The following SHISA6 variants were observed in gnomAD, a reference collection of about 807,000 sequenced individuals.
SHISA6 encodes protein shisa-6.
A neutral mutation model predicts 47.9 loss-of-function variants in SHISA6; 22 were observed. The ratio of observed to expected loss-of-function variants is 0.46; its 90% CI spans 0.33 to 0.66. The LOEUF (loss-of-function observed/expected upper bound fraction) is 0.66. Among genes scored for constraint, SHISA6 ranks in the 30% least tolerant of loss-of-function variants. The pLI is 0.02. For synonymous variants in SHISA6, 388 were observed against 337.8 expected (o/e 1.15, Z -1.63); for missense variants, 680 against 764.6 (o/e 0.89, Z 1.30).
At chr17:11,413,533 C>T (rs931787339) in intron 3 of SHISA6, among the ~76,000 whole-genome samples, 2 of 152,186 alleles carry the variant, frequency 1.3e-5, no homozygotes, top group African/African-American at 2.4e-5. Flanking sequence ...ATGCAACGAC[C>T]ACCATCTACC....
chr17:11,467,555 C>T (rs1007644646), intron 3 of SHISA6, among the ~76,000 whole-genome samples: 2 of 152,198 alleles, frequency 1.3e-5, no homozygotes, highest in African/African-American at 4.8e-5. Context: ...CCATCTCCCT[C>T]ATTGTGATAT....
At chr17:11,411,024 A>G (rs1914099404) in intron 3 of SHISA6, among the ~76,000 whole-genome samples, 1 of 152,096 alleles carries the variant, frequency 6.6e-6, no homozygotes, top group Admixed American at 6.5e-5. Flanking sequence ...GCTGGAGTGC[A>G]GTGGCGCGAT....
rs192161809 is a variant in SHISA6, at chr17:11,424,962, G to A, written c.895+45453G>A. ...GCAGAGCTTGCAGTCAGCAGAGATC[G>A]CGCCACTGCACTCCAGCCTGAGCGA... On this transcript the variant is annotated intron_variant, in intron 3 of 5. Coordinates refer to ENST00000441885, the MANE Select transcript of SHISA6 (RefSeq NM_207386.4). 4.7e-3 allele frequency among the ~76,000 whole-genome samples: 662 copies of A among 140,370 alleles called. 3 individuals carry two copies. Among genetic ancestry groups the A allele is most frequent in the Non-Finnish European group, 6.5e-3 (433 of 66,460 alleles). The allele number at this position is 140,370 out of a possible 152,430, so 92.1% of individuals were successfully genotyped here.
chr17:11,291,245 G>A (rs989017300), intron 2 of SHISA6, among the ~76,000 whole-genome samples: 3 of 151,500 alleles, frequency 2.0e-5, no homozygotes, highest in Non-Finnish European at 4.4e-5. Flanking sequence ...TAGAGGATGC[G>A]ATCATAAGTT....
At chr17:11,525,911 A>G in intron 3 of SHISA6, among the ~76,000 whole-genome samples, 1 of 152,002 alleles carries the variant, frequency 6.6e-6, no homozygotes, top group East Asian at 1.9e-4. Flanking sequence ...TGGGAGGCCA[A>G]GGTGAGAGGA....
intron 2 of SHISA6, among the ~76,000 whole-genome samples, chr17:11,276,416 T>C (rs1159252921): frequency 6.6e-6 from 1 of 152,172 alleles, no homozygotes. Context: ...AAAGACTTTC[T>C]TCAGGGTTTA....
At chr17:11,495,730 G>T (rs1282110148) in intron 3 of SHISA6, among the ~76,000 whole-genome samples, 1 of 152,282 alleles carries the variant, frequency 6.6e-6, no homozygotes, top group African/African-American at 2.4e-5. Flanking sequence ...ATCCCTCTGA[G>T]AACTAAGTGG....
At chr17:11,454,230 T>C (rs1178278222) in intron 3 of SHISA6, among the ~76,000 whole-genome samples, 2 of 152,160 alleles carry the variant, frequency 1.3e-5, no homozygotes, top group African/African-American at 4.8e-5. Flanking sequence ...CTCCAAACTA[T>C]AGCTTCCAAT....
At chr17:11,322,894 G>A (rs971372693) in intron 2 of SHISA6, among the ~76,000 whole-genome samples, 1 of 152,190 alleles carries the variant, frequency 6.6e-6, no homozygotes, top group Non-Finnish European at 1.5e-5. Context: ...GTGCTTAGTT[G>A]AGGAGAAAAT....
chr17:11,515,314 AAGGAAGG>A (rs2071575596), intron 3 of SHISA6, among the ~76,000 whole-genome samples: 1 of 12,130 alleles, frequency 8.2e-5, no homozygotes, highest in East Asian at 5.0e-3. Flanking sequence ...AAGAAAGAAA[AAGGAAGG>A]AAGGAAGGAA....
intron 2 of SHISA6, among the ~76,000 whole-genome samples, chr17:11,274,111 C>A (rs1039361813): frequency 1.3e-5 from 2 of 152,286 alleles, no homozygotes; most frequent in Admixed American, 1.3e-4. Context: ...AGGGCTTCGT[C>A]CTGCCTGGTG....
At chr17:11,555,673 G>A in intron 4 of SHISA6, 67 bp from the exon 5 acceptor site, 1 of 1,447,786 alleles carries the variant, frequency 6.9e-7, no homozygotes, top group Non-Finnish European at 9.1e-7. Context: ...TCAGGGGTGA[G>A]GCAGAAAGCA....
At chr17:11,466,364 T>C (rs1370174726) in intron 3 of SHISA6, among the ~76,000 whole-genome samples, 3 of 152,142 alleles carry the variant, frequency 2.0e-5, no homozygotes, top group East Asian at 3.9e-4. Flanking sequence ...CAGGATGCGA[T>C]AGCTTGAGGA....
chr17:11,362,054 T>C (rs1012520206), intron 2 of SHISA6, among the ~76,000 whole-genome samples: 5 of 152,166 alleles, frequency 3.3e-5, no homozygotes, highest in African/African-American at 9.7e-5. Flanking sequence ...TTTTGACATA[T>C]TATTCTTTTC....
At chr17:11,485,439 T>A (rs1916323322) in intron 3 of SHISA6, among the ~76,000 whole-genome samples, 1 of 152,170 alleles carries the variant, frequency 6.6e-6, no homozygotes, top group South Asian at 2.1e-4. Context: ...AGGTGATTAG[T>A]GGGCAATGCT....
intron 2 of SHISA6, among the ~76,000 whole-genome samples, chr17:11,330,829 G>A (rs1053676229): frequency 1.1e-4 from 16 of 152,170 alleles, no homozygotes; most frequent in African/African-American, 3.9e-4. Context: ...CTTTGGTCTG[G>A]TATCAAGGAC....
At chr17:11,296,075 G>C (rs762659934) in intron 2 of SHISA6, among the ~76,000 whole-genome samples, 1 of 151,884 alleles carries the variant, frequency 6.6e-6, no homozygotes, top group Non-Finnish European at 1.5e-5. Context: ...ACTGTCAGAA[G>C]ACCAGTGTGA....
chr17:11,430,577 G>A (rs1389972172), intron 3 of SHISA6, among the ~76,000 whole-genome samples: 3 of 152,136 alleles, frequency 2.0e-5, no homozygotes, highest in Admixed American at 6.6e-5. Context: ...CACTGAAGAC[G>A]AAGGAGAAGG....
chr17:11,486,225 G>C (rs1294015240), intron 3 of SHISA6, among the ~76,000 whole-genome samples: 2 of 152,184 alleles, frequency 1.3e-5, no homozygotes, highest in Admixed American at 6.5e-5. Flanking sequence ...TTCTGTCCCT[G>C]AAAGAGTTGG....
Sources: allele counts gnomAD v4.1 joint callset (sites outside exome capture counted in the v4.1 genomes callset), GRCh38; gene constraint gnomAD v4.1.1; transcripts MANE v1.5; gene names NCBI Gene and HGNC (gene_info 2026-07-23, HGNC 2026-07-21).